AGBL4: variants seen among roughly 807,000 people sequenced by gnomAD.
AGBL4 encodes the protein AGBL carboxypeptidase 4.
A neutral mutation model predicts 66.4 loss-of-function variants in AGBL4; 58 were observed. The ratio of observed to expected loss-of-function variants is 0.87; its 90% CI spans 0.71 to 1.09. The LOEUF is 1.09. AGBL4 is among the 50% of genes least tolerant of loss of function. The pLI, the probability that AGBL4 is intolerant of heterozygous loss-of-function variation, is 0.00. For missense variants in AGBL4, 579 were observed against 631.0 expected (o/e 0.92, Z 0.88); for synonymous variants, 234 against 222.9 (o/e 1.05, Z -0.44).
intron 4 of AGBL4, among the ~76,000 whole-genome samples, chr1:49,145,395 C>T (rs1340488806): frequency 6.6e-6 from 1 of 152,124 alleles, no homozygotes; most frequent in Non-Finnish European, 1.5e-5. Flanking sequence ...TTTAGAGCCA[C>T]CAATGAGTAT....
chr1:49,334,034 G>T (rs932364827), intron 3 of AGBL4, among the ~76,000 whole-genome samples: 8 of 152,150 alleles, frequency 5.3e-5, no homozygotes, highest in African/African-American at 1.9e-4. Context: ...ATTCTGTCTA[G>T]ACACTATCAT....
intron 3 of AGBL4, among the ~76,000 whole-genome samples, chr1:49,459,219 A>G (rs945810684): frequency 6.6e-6 from 1 of 151,712 alleles, no homozygotes; most frequent in African/African-American, 2.4e-5. Flanking sequence ...TTCAGCTGTG[A>G]ATCTATCTGG....
intron 6 of AGBL4, among the ~76,000 whole-genome samples, chr1:48,732,416 T>C (rs1570396520): frequency 6.6e-6 from 1 of 152,310 alleles, no homozygotes; most frequent in East Asian, 1.9e-4. Flanking sequence ...AGGCTAGCCC[T>C]GAACAAGATG....
At chr1:49,530,971 T>C (rs534237897) in intron 3 of AGBL4, among the ~76,000 whole-genome samples, 1 of 152,212 alleles carries the variant, frequency 6.6e-6, no homozygotes, top group East Asian at 1.9e-4. Flanking sequence ...TTAGATGAAA[T>C]AGTATATGTA....
chr1:49,619,225 G>T (rs551025582), intron 3 of AGBL4, among the ~76,000 whole-genome samples: 1 of 152,132 alleles, frequency 6.6e-6, no homozygotes, highest in Non-Finnish European at 1.5e-5. Flanking sequence ...AAACTCCATC[G>T]TCTCAGCCAA....
intron 1 of AGBL4, among the ~76,000 whole-genome samples, chr1:49,951,202 CTAAG>C (rs1423038279): frequency 1.3e-5 from 2 of 151,708 alleles, no homozygotes; most frequent in Admixed American, 1.3e-4. Context: ...TTGAAAATTG[CTAAG>C]TGAGTAGATC....
At chr1:49,983,468 T>C (rs1201710943) in intron 1 of AGBL4, among the ~76,000 whole-genome samples, 8 of 152,244 alleles carry the variant, frequency 5.3e-5, no homozygotes, top group African/African-American at 1.9e-4. Flanking sequence ...CACCGCTCGC[T>C]GCTCTACTCA....
chr1:48,969,272 A>T (rs1043692949), intron 5 of AGBL4, among the ~76,000 whole-genome samples: 5 of 152,158 alleles, frequency 3.3e-5, no homozygotes, highest in African/African-American at 1.2e-4. Context: ...ATACATGGCC[A>T]GCTCTCTGGG....
At chr1:49,042,833 T>C (rs912664830) in intron 5 of AGBL4, among the ~76,000 whole-genome samples, 4 of 152,212 alleles carry the variant, frequency 2.6e-5, no homozygotes, top group African/African-American at 4.8e-5. Flanking sequence ...ACTGATCCTA[T>C]TGTTTTTCTT....
chr1:49,412,394 G>A (rs1462201218), intron 3 of AGBL4, among the ~76,000 whole-genome samples: 1 of 152,034 alleles, frequency 6.6e-6, no homozygotes, highest in Non-Finnish European at 1.5e-5. Context: ...GGATTAGTGA[G>A]TCTCCAGCCT....
intron 2 of AGBL4, among the ~76,000 whole-genome samples, chr1:49,765,774 C>T (rs768170998): frequency 3.3e-5 from 5 of 151,856 alleles, no homozygotes; most frequent in Non-Finnish European, 5.9e-5. Context: ...TTGAAAAACT[C>T]ACTTCAAGAA....
chr1:49,016,944 A>G (rs891854176), intron 5 of AGBL4, among the ~76,000 whole-genome samples: 1 of 152,342 alleles, frequency 6.6e-6, no homozygotes, highest in Admixed American at 6.5e-5. Flanking sequence ...CACACTACAC[A>G]TTAATGGTAT....
rs56377281 is a variant in AGBL4, at chr1:50,006,338, C to CAA, written c.34+17423_34+17424dup. Among the ~76,000 whole-genome samples, 313 of 74,564 alleles carry CAA rather than the reference C, an allele frequency of 4.2e-3. 3 individuals are homozygous for CAA. The highest frequency in any genetic ancestry group is 0.016 in the South Asian group (35 of 2,138). 48.9% of individuals were successfully genotyped at this position (74,564 alleles called of 152,430 possible). On this transcript the variant is annotated intron_variant, in intron 1 of 13. Transcript: ENST00000371839. ...TGGGCGACAGAGCAAGACTCCGCCT[C>CAA]AAAAAAAAAAAAAAAGGAGGTAGAG... is the stretch of plus-strand genomic sequence containing the variant.
chr1:49,427,234 T>G (rs1396290979), intron 3 of AGBL4, among the ~76,000 whole-genome samples: 1 of 152,160 alleles, frequency 6.6e-6, no homozygotes, highest in Non-Finnish European at 1.5e-5. Context: ...TCTTGCTAAG[T>G]AAACAGACTT....
rs1645263890 is a variant in AGBL4, at chr1:49,104,812, C to G, written c.378-59012G>C. ...AACAGTTTTTATAGTTTTGAAGTGA[C>G]CAAATATTCACCTCTAAATATGGCT... On this transcript the variant is annotated intron_variant, in intron 4 of 13. Transcript: ENST00000371839. Among the ~76,000 whole-genome samples, 4 of 152,074 alleles carry G rather than the reference C, an allele frequency of 2.6e-5. No individual in the cohort carries two copies. The South Asian group carries it at 8.3e-4, about 31-fold the overall frequency.
intron 1 of AGBL4, among the ~76,000 whole-genome samples, chr1:49,937,861 T>G (rs1166457597): frequency 6.6e-6 from 1 of 151,968 alleles, no homozygotes; most frequent in Admixed American, 6.6e-5. Context: ...GGATTATACA[T>G]TTATAGCACT....
intron 6 of AGBL4, among the ~76,000 whole-genome samples, chr1:48,685,946 T>C (rs1646524504): frequency 6.6e-6 from 1 of 152,214 alleles, no homozygotes; most frequent in African/African-American, 2.4e-5. Flanking sequence ...CATTTGCCTT[T>C]CACAAAAGCC....
intron 2 of AGBL4, among the ~76,000 whole-genome samples, chr1:49,745,086 G>T (rs1383148285): frequency 6.6e-6 from 1 of 151,940 alleles, no homozygotes; most frequent in Non-Finnish European, 1.5e-5. Flanking sequence ...AATGTAAATG[G>T]ATTAAGCACT....
chr1:49,515,338 A>G (rs1649691248), intron 3 of AGBL4, among the ~76,000 whole-genome samples: 1 of 152,142 alleles, frequency 6.6e-6, no homozygotes, highest in Admixed American at 6.5e-5. Context: ...CCACAATGAG[A>G]TATCATCTCA....
Sources: allele counts gnomAD v4.1 joint callset (sites outside exome capture counted in the v4.1 genomes callset), GRCh38; gene constraint gnomAD v4.1.1; transcripts MANE v1.5; gene names NCBI Gene and HGNC (gene_info 2026-07-23, HGNC 2026-07-21).